CDS2: variants seen among roughly 807,000 people sequenced by gnomAD.
CDS2 encodes the protein phosphatidate cytidylyltransferase 2.
Under a neutral mutation model 59.0 loss-of-function variants are expected in CDS2, and 47 were observed. The observed-to-expected ratio is 0.80, with a 90% CI of 0.63 to 1.02. The LOEUF (loss-of-function observed/expected upper bound fraction) is 1.02. Ranked by LOEUF, CDS2 falls within the 50% of genes least tolerant of loss-of-function variation. The pLI is 0.00. For missense variants in CDS2, 356 were observed against 558.9 expected, an observed-to-expected ratio of 0.64 and a Z score of 3.66; for synonymous variants, 207 against 206.4, an observed-to-expected ratio of 1.00 and a Z score of -0.02.
intron 2 of CDS2, 62 bp from the exon 3 acceptor site, chr20:5,175,121 T>G (rs767300223): frequency 1.5e-4 from 182 of 1,174,660 alleles, no homozygotes; most frequent in Non-Finnish European, 2.2e-4. Context: ...CTTGAGTTTG[T>G]GCATTGGTTT....
intron 1 of CDS2, among the ~76,000 whole-genome samples, chr20:5,154,335 G>A (rs1033551219): frequency 1.5e-4 from 23 of 152,300 alleles, no homozygotes; most frequent in African/African-American, 5.5e-4. Flanking sequence ...TTGACCTTCT[G>A]GGTTCACCAC....
At chr20:5,133,928 A>T (rs547774833) in intron 1 of CDS2, among the ~76,000 whole-genome samples, 3 of 152,220 alleles carry the variant, frequency 2.0e-5, no homozygotes, top group East Asian at 1.9e-4. Context: ...GATAGATATG[A>T]TACCCAAATG....
chr20:5,178,736 G>C (rs1456551206), intron 4 of CDS2, 81 bp from the exon 5 acceptor site: 1 of 1,488,682 alleles, frequency 6.7e-7, no homozygotes, highest in Non-Finnish European at 9.3e-7. Context: ...GCTGCCCTCT[G>C]TCCCTTCCTC....
At chr20:5,159,599 A>G (rs2090861444) in intron 1 of CDS2, among the ~76,000 whole-genome samples, 1 of 152,216 alleles carries the variant, frequency 6.6e-6, no homozygotes, top group African/African-American at 2.4e-5. Context: ...ACTATTAGCA[A>G]GATGTCAAAG....
At chr20:5,183,885 G>A (rs1331403497) in intron 7 of CDS2, among the ~76,000 whole-genome samples, 4 of 152,220 alleles carry the variant, frequency 2.6e-5, no homozygotes, top group African/African-American at 9.6e-5. Flanking sequence ...AAGGGCGGGC[G>A]CGGTGGCTCA....
chr20:5,189,526 C>A (rs1347017882), intron 11 of CDS2, among the ~76,000 whole-genome samples: 1 of 152,130 alleles, frequency 6.6e-6, no homozygotes, highest in Admixed American at 6.5e-5. Context: ...TAGCAAGACT[C>A]CTGTCTTTAT....
intron 1 of CDS2, among the ~76,000 whole-genome samples, chr20:5,168,417 CAAAAA>C (rs71332877): frequency 1.4e-5 from 1 of 71,530 alleles, no homozygotes. Context: ...TCTGTCCCCC[CAAAAA>C]AAAAAAAAAA....
At chr20:5,147,140 T>C (rs1374492804) in intron 1 of CDS2, among the ~76,000 whole-genome samples, 1 of 152,320 alleles carries the variant, frequency 6.6e-6, no homozygotes, top group South Asian at 2.1e-4. Flanking sequence ...GAGGTTTCTA[T>C]TACAGTGGAA....
At chr20:5,168,476 G>T (rs2090930659) in intron 1 of CDS2, 1 of 375,158 alleles carries the variant, frequency 2.7e-6, no homozygotes, top group South Asian at 2.0e-5. Flanking sequence ...GGTAGGATAG[G>T]TTCCACCGGT....
Position 5,195,965 on chromosome 20 carries a change from A to ACGT in CDS2, c.*5732_*5734dup, listed in dbSNP as rs945297823. Reference sequence around the variant, plus strand: ...CTGAATGGGGGTGGGGAGTTGGGGCACGTGTGTGTAAGGGGAGGCTGCCTC... The same window carrying ACGT: ...CTGAATGGGGGTGGGGAGTTGGGGCACGTCGTGTGTGTAAGGGGAGGCTGCCTC... On this transcript the variant is annotated 3_prime_UTR_variant, in exon 13 of 13. Transcript: ENST00000460006. 2.6e-5 allele frequency: 4 copies of ACGT among 152,044 alleles called. No individual in the cohort carries two copies. Among genetic ancestry groups the ACGT allele is most frequent in the Non-Finnish European group, 4.4e-5 (3 of 68,016 alleles). The allele number at this position is 152,044 out of a possible 1,614,324, so 9.4% of individuals were successfully genotyped here. A position where few individuals can be genotyped will look rare whatever the true frequency, so the allele number is the denominator to read the frequency against.
chr20:5,133,953 T>G (rs1405774910), intron 1 of CDS2, among the ~76,000 whole-genome samples: 1 of 152,250 alleles, frequency 6.6e-6, no homozygotes, highest in Non-Finnish European at 1.5e-5. Flanking sequence ...CTATTTTTCT[T>G]ATTTGGCTAC....
chr20:5,132,997 C>T (rs2090619780), intron 1 of CDS2, among the ~76,000 whole-genome samples: 1 of 148,822 alleles, frequency 6.7e-6, no homozygotes, highest in Non-Finnish European at 1.5e-5. Context: ...ACGGCAAAAC[C>T]CCTTCTCTAC....
chr20:5,173,688 G>C lies in CDS2; in HGVS notation c.194+29G>C, dbSNP rs140697558. 8,274 of 1,613,056 alleles carry C rather than the reference G, an allele frequency of 5.1e-3. 36 individuals carry two copies. Among genetic ancestry groups the C allele is most frequent in the Non-Finnish European group, 6.6e-3 (7,752 of 1,179,278 alleles). On this transcript the variant is annotated intron_variant, in intron 2 of 12. Transcript: ENST00000460006. ...ACCTGGCTTAATGATGCAGGTGCTT[G>C]TTGGGGGCTTTGCACCATGTCCAAG...
intron 1 of CDS2, among the ~76,000 whole-genome samples, chr20:5,156,670 TGTAACTTAG>T (rs1275326587): frequency 6.6e-6 from 1 of 152,204 alleles, no homozygotes; most frequent in African/African-American, 2.4e-5. Context: ...CATTGGCTCA[TGTAACTTAG>T]AAGACTAAGG....
intron 5 of CDS2, among the ~76,000 whole-genome samples, chr20:5,179,688 G>T (rs1055551452): frequency 6.6e-6 from 1 of 152,212 alleles, no homozygotes; most frequent in East Asian, 1.9e-4. Flanking sequence ...TGCAACCTCA[G>T]GGGGAGCTAG....
At chr20:5,172,376 A>G (rs1473937372) in intron 1 of CDS2, among the ~76,000 whole-genome samples, 1 of 152,206 alleles carries the variant, frequency 6.6e-6, no homozygotes, top group Non-Finnish European at 1.5e-5. Flanking sequence ...AAAGTACTCA[A>G]ATCTGGAGCA....
chr20:5,189,015 G>GT, intron 10 of CDS2, 52 bp from the exon 11 acceptor site: 2 of 1,610,198 alleles, frequency 1.2e-6, no homozygotes, highest in South Asian at 2.2e-5. Flanking sequence ...AACTCAAACC[G>GT]TAACACTGGG....
intron 3 of CDS2, 59 bp from the exon 4 acceptor site, chr20:5,176,589 G>A: frequency 7.4e-7 from 1 of 1,352,762 alleles, no homozygotes; most frequent in South Asian, 1.2e-5. Flanking sequence ...TGACCTGTTG[G>A]TTTCCATTTC....
chr20:5,146,049 C>G (rs1207636673), intron 1 of CDS2, among the ~76,000 whole-genome samples: 1 of 152,100 alleles, frequency 6.6e-6, no homozygotes, highest in Non-Finnish European at 1.5e-5. Flanking sequence ...TCTCAAACTC[C>G]TGGGCTCAAG....
Sources: gnomAD v4.1 joint callset for allele counts (sites outside exome capture counted in the v4.1 genomes callset) on GRCh38, gnomAD v4.1.1 for gene constraint, MANE v1.5 for transcripts, NCBI Gene and HGNC (gene_info 2026-07-23, HGNC 2026-07-21) for gene names.